Variants in PGRMC2 observed in about 807,000 individuals in gnomAD.
The protein encoded by PGRMC2 is membrane-associated progesterone receptor component 2.
In PGRMC2, 9 loss-of-function variants were observed where a neutral mutation model predicts 19.3. The observed-to-expected ratio is 0.47, with a 90% CI of 0.28 to 0.81. PGRMC2 has a LOEUF of 0.81. PGRMC2 is among the 40% of genes least tolerant of loss of function. PGRMC2 has a pLI of 0.11. For missense variants in PGRMC2, 289 were observed against 297.3 expected (o/e 0.97, Z 0.21); for synonymous variants, 157 against 124.6 (o/e 1.26, Z -1.73).
At chr4:128,280,458 T>C (rs1038537084) in intron 1 of PGRMC2, among the ~76,000 whole-genome samples, 4 of 140,706 alleles carry the variant, frequency 2.8e-5, no homozygotes, top group Non-Finnish European at 6.2e-5. Context: ...CCTAGTAAAA[T>C]AGCAAAACCC....
chr4:128,286,739 C>A, intron 1 of PGRMC2: 1 of 398,578 alleles, frequency 2.5e-6, no homozygotes. Context: ...GAAAGCAACT[C>A]CGAACTAAAA....
chr4:128,280,690 T>C (rs1760896034), intron 1 of PGRMC2, among the ~76,000 whole-genome samples: 1 of 152,094 alleles, frequency 6.6e-6, no homozygotes, highest in Non-Finnish European at 1.5e-5. Context: ...ATTGATCTTC[T>C]GGGCTCAAGC....
intron 1 of PGRMC2, chr4:128,286,853 G>A (rs1578888636): frequency 5.2e-6 from 2 of 386,690 alleles, no homozygotes; most frequent in East Asian, 7.3e-5. Context: ...GAGTAATACA[G>A]CGAGGGAAAA....
chr4:128,278,503 C>T (rs557785580), intron 1 of PGRMC2, among the ~76,000 whole-genome samples: 3 of 152,132 alleles, frequency 2.0e-5, no homozygotes, highest in East Asian at 1.9e-4. Flanking sequence ...ACCCGGGATA[C>T]GCAGGTTGCA....
intron 1 of PGRMC2, among the ~76,000 whole-genome samples, chr4:128,275,844 A>G (rs552253458): frequency 1.3e-5 from 2 of 151,928 alleles, no homozygotes; most frequent in Non-Finnish European, 2.9e-5. Flanking sequence ...TCCTGCCCTA[A>G]CCTCCCAAAT....
At chr4:128,271,714 G>GT (rs984456967) in intron 2 of PGRMC2, among the ~76,000 whole-genome samples, 7 of 152,134 alleles carry the variant, frequency 4.6e-5, no homozygotes, top group African/African-American at 1.4e-4. Context: ...TTAAAAATGA[G>GT]TAAGTCCAGG....
chr4:128,275,539 AATG>A (rs1372357625), intron 1 of PGRMC2, among the ~76,000 whole-genome samples: 1 of 152,160 alleles, frequency 6.6e-6, no homozygotes, highest in African/African-American at 2.4e-5. Flanking sequence ...ATTCCAGACA[AATG>A]ATGTTCTGTT....
At chr4:128,283,465 C>A (rs1035612624) in intron 1 of PGRMC2, among the ~76,000 whole-genome samples, 5 of 152,180 alleles carry the variant, frequency 3.3e-5, no homozygotes, top group Non-Finnish European at 7.3e-5. Context: ...CAGTAGGTGG[C>A]ACGCCAGTCT....
chr4:128,275,415 T>C (rs2110559604), intron 1 of PGRMC2, among the ~76,000 whole-genome samples: 1 of 152,276 alleles, frequency 6.6e-6, no homozygotes, highest in Admixed American at 6.5e-5. Context: ...CAACACTGAA[T>C]GAATAATAAT....
At chr4:128,283,813 A>G (rs1760943937) in intron 1 of PGRMC2, among the ~76,000 whole-genome samples, 1 of 151,704 alleles carries the variant, frequency 6.6e-6, no homozygotes, top group Non-Finnish European at 1.5e-5. Flanking sequence ...ACCCACCATC[A>G]AGCTCAGCTA....
At chr4:128,280,641 CT>C (rs1760895493) in intron 1 of PGRMC2, among the ~76,000 whole-genome samples, 1 of 152,082 alleles carries the variant, frequency 6.6e-6, no homozygotes, top group Admixed American at 6.5e-5. Flanking sequence ...GGGTCTTGCT[CT>C]GTCACCCAGG....
rs766452741 is a variant in PGRMC2, at chr4:128,287,355, C to CCCCTT, written c.418+13_418+17dup. The CCCCTT allele has an allele frequency of 1.9e-6, 3 of 1,582,806 alleles. No homozygotes were observed. In the East Asian group the frequency reaches 6.9e-5, roughly 36 times the overall value. On this transcript the variant is annotated intron_variant, in intron 1 of 2. Transcript: ENST00000296425. ...TTCAGCTGCAGGGGGTCCTTCCCCT[C>CCCCTT]CCCTTCCAACTCCTCACCCGGGCCG...
In PGRMC2 at chr4:128,287,473, C is replaced by T. The variant is rs764542649; in HGVS notation, c.318G>A (p.Glu106=). 2 of 1,613,784 alleles carry T rather than the reference C, an allele frequency of 1.2e-6. No individual in the cohort carries two copies. The highest frequency in any genetic ancestry group is 1.1e-5 in the South Asian group (1 of 91,058). ...PRMKKRDFSL[E]QLRQYDGSRN... ...GGGAGCCGTCGTACTGGCGCAGCTGCTCCAAGCTGAAGTCCCGCTTCTTCA... is the reference window on the plus strand; with the variant it reads ...GGGAGCCGTCGTACTGGCGCAGCTGTTCCAAGCTGAAGTCCCGCTTCTTCA... Residue 106 remains glutamate, a synonymous_variant, in exon 1 of 3, where the codon GAG becomes GAA. Transcript: ENST00000296425.
At chr4:128,272,747 A>C in intron 1 of PGRMC2, 1 of 347,256 alleles carries the variant, frequency 2.9e-6, no homozygotes, top group East Asian at 4.3e-5. Flanking sequence ...CTTAGATCTT[A>C]AAACCCTCAA....
At chr4:128,283,455 C>A (rs1244403739) in intron 1 of PGRMC2, among the ~76,000 whole-genome samples, 3 of 152,188 alleles carry the variant, frequency 2.0e-5, no homozygotes, top group Non-Finnish European at 4.4e-5. Context: ...CTTGTTAGTG[C>A]AGTAGGTGGC....
intron 1 of PGRMC2, among the ~76,000 whole-genome samples, chr4:128,278,124 C>A (rs1419088953): frequency 6.6e-6 from 1 of 152,150 alleles, no homozygotes; most frequent in Non-Finnish European, 1.5e-5. Context: ...CAGGCCCGTG[C>A]CACTTATGGG....
intron 1 of PGRMC2, 121 bp downstream of exon 1, chr4:128,287,252 C>A (rs1394928254): frequency 3.3e-6 from 4 of 1,205,028 alleles, no homozygotes; most frequent in Admixed American, 2.8e-5. Flanking sequence ...GCGGCCGAGG[C>A]GCGGGGGTCC....
intron 1 of PGRMC2, among the ~76,000 whole-genome samples, chr4:128,278,852 G>A (rs993872461): frequency 2.0e-5 from 3 of 152,008 alleles, no homozygotes; most frequent in Non-Finnish European, 4.4e-5. Flanking sequence ...AAATATTTGC[G>A]GCAAAGGCTG....
At chr4:128,276,032 A>G (rs1760806756) in intron 1 of PGRMC2, among the ~76,000 whole-genome samples, 1 of 152,092 alleles carries the variant, frequency 6.6e-6, no homozygotes, top group Non-Finnish European at 1.5e-5. Context: ...AGCCTTCTGT[A>G]AGGCCATTAA....
Sources: allele counts gnomAD v4.1 joint callset (sites outside exome capture counted in the v4.1 genomes callset), GRCh38; gene constraint gnomAD v4.1.1; transcripts MANE v1.5; gene names NCBI Gene and HGNC (gene_info 2026-07-23, HGNC 2026-07-21).